Variants in CARD8 observed in about 807,000 individuals in gnomAD.
CARD8 encodes caspase recruitment domain family member 8.
A neutral mutation model predicts 53.2 loss-of-function variants in CARD8; 38 were observed. The ratio of observed to expected loss-of-function variants is 0.71; its 90% CI spans 0.55 to 0.94. The LOEUF (loss-of-function observed/expected upper bound fraction) is 0.94, where lower values mean the gene tolerates loss of function less well. Ranked by LOEUF, CARD8 falls within the 40% of genes least tolerant of loss-of-function variation. The probability of loss-of-function intolerance (pLI) is 0.00; values close to 1 mark genes in which losing one functional copy is unlikely to be tolerated. For missense variants in CARD8, 561 were observed against 655.5 expected (o/e 0.86, Z 1.57); for synonymous variants, 245 against 244.9 (o/e 1.00, Z 0.00).
chr19:48,245,502 C>T (rs1457074573), intron 3 of CARD8, among the ~76,000 whole-genome samples: 3 of 151,914 alleles, frequency 2.0e-5, no homozygotes, highest in South Asian at 2.1e-4. Flanking sequence ...TGTCAGCCAC[C>T]GCACCAGCCA....
chr19:48,235,391 AAGTGCTCAAAAGC>A (rs762523758), intron 5 of CARD8, among the ~76,000 whole-genome samples: 15 of 152,212 alleles, frequency 9.9e-5, no homozygotes, highest in Non-Finnish European at 7.3e-5. Context: ...GCCATATTTC[AAGTGCTCAAAAGC>A]CACACGTGGC....
At chr19:48,242,627 G>C (rs1449669151) in intron 3 of CARD8, 1 of 152,282 alleles carries the variant, frequency 6.6e-6, no homozygotes. Flanking sequence ...AGACATTTGG[G>C]TGAGTTCCAC....
intron 3 of CARD8, among the ~76,000 whole-genome samples, chr19:48,245,214 C>CT (rs892213234): frequency 7.3e-5 from 11 of 151,694 alleles, no homozygotes; most frequent in South Asian, 2.1e-4. Flanking sequence ...GAGAAAGAAT[C>CT]TTTTTTTTTC....
At chr19:48,221,130 T>C (rs900661936) in intron 11 of CARD8, among the ~76,000 whole-genome samples, 21 of 152,202 alleles carry the variant, frequency 1.4e-4, no homozygotes, top group African/African-American at 4.8e-4. Flanking sequence ...TAATTTCATT[T>C]AGGACACTCT....
chr19:48,220,541 A>G (rs746865258), intron 11 of CARD8, among the ~76,000 whole-genome samples: 14 of 152,180 alleles, frequency 9.2e-5, no homozygotes, highest in Non-Finnish European at 1.5e-4. Flanking sequence ...AAATCTTGAT[A>G]CTTTGTTCTA....
rs1246806552 is a variant in CARD8 at position 48,209,674 on chromosome 19, T to C, written c.*2036A>G. Reference sequence around the variant, plus strand: ...ATTGATTCAACATAAATACTATGGTTTATTTCTAGATGGCAAGGAAAATCA... The same window carrying C: ...ATTGATTCAACATAAATACTATGGTCTATTTCTAGATGGCAAGGAAAATCA... On this transcript the variant is annotated 3_prime_UTR_variant, in exon 14 of 14. Transcript: ENST00000651546. 2.6e-5 allele frequency: 4 copies of C among 152,228 alleles called. No individual in the cohort carries two copies. The highest frequency in any genetic ancestry group is 5.9e-5 in the Non-Finnish European group (4 of 68,022). 9.4% of individuals were successfully genotyped at this position (152,228 alleles called of 1,614,324 possible). A position where few individuals can be genotyped will look rare whatever the true frequency, so the allele number is the denominator to read the frequency against.
chr19:48,207,726 G>GTTTTTTTGTTTTTT (rs1390970720), downstream of CARD8, among the ~76,000 whole-genome samples: 1 of 38,406 alleles, frequency 2.6e-5, no homozygotes. Context: ...TTTTATTGTT[G>GTTTTTTTGTTTTTT]TTTTTCTGTT....
rs181697854 is a variant in CARD8, at chr19:48,251,627, T to C, written c.-251-1780A>G. Among the ~76,000 whole-genome samples, 460 of 152,330 alleles carry C rather than the reference T, an allele frequency of 3.0e-3. 2 individuals carry two copies. Among genetic ancestry groups the C allele is most frequent in the African/African-American group, 0.01 (432 of 41,580 alleles). Reference sequence around the variant, plus strand: ...GGGCTTGGATTATATTTCTGTTAAATTGCACTGCTCTATGGGACTTATTTT... The same window carrying C: ...GGGCTTGGATTATATTTCTGTTAAACTGCACTGCTCTATGGGACTTATTTT... On this transcript the variant is annotated intron_variant, in intron 1 of 13. Coordinates refer to ENST00000651546, the MANE Select transcript of CARD8 (RefSeq NM_001184900.3).
At chr19:48,203,189 C>A (rs544017629), downstream of CARD8, 4 of 152,284 alleles carry the variant, frequency 2.6e-5, no homozygotes, top group South Asian at 4.1e-4. Flanking sequence ...TGAAGTTTTT[C>A]TTTTATCACA....
At chr19:48,212,989 C>T (rs931130159) in intron 13 of CARD8, 1 of 152,168 alleles carries the variant, frequency 6.6e-6, no homozygotes, top group African/African-American at 2.4e-5. Flanking sequence ...GACATGAGTT[C>T]GGAAACTTAC....
chr19:48,249,214 A>C (rs867407282), intron 3 of CARD8, among the ~76,000 whole-genome samples: 1 of 152,162 alleles, frequency 6.6e-6, no homozygotes, highest in Admixed American at 6.6e-5. Context: ...AAAAAAAGTA[A>C]TATTGATTAA....
In CARD8 at chr19:48,241,690, G is replaced by A. The variant is rs192508307; in HGVS notation, c.-43-627C>T. ...TTTCCTTGCCTTCCATTCTTCTCTCGTACAACTCTAATCGTTTTTCTTGCC... is the reference window on the plus strand; with the variant it reads ...TTTCCTTGCCTTCCATTCTTCTCTCATACAACTCTAATCGTTTTTCTTGCC... On this transcript the variant is annotated intron_variant, in intron 3 of 13. Transcript: ENST00000651546. 1.9e-3 allele frequency among the ~76,000 whole-genome samples: 294 copies of A among 152,236 alleles called. 1 individual carries two copies. The highest frequency in any genetic ancestry group is 6.3e-3 in the African/African-American group (262 of 41,522).
At chr19:48,212,671 A>G (rs948383243) in intron 13 of CARD8, among the ~76,000 whole-genome samples, 2 of 152,210 alleles carry the variant, frequency 1.3e-5, no homozygotes, top group African/African-American at 2.4e-5. Context: ...TTCAACGTGC[A>G]GGCAACAGGT....
chr19:48,207,734 G>GTTTTTTTTTGTTTTGT (rs2037429691), downstream of CARD8, among the ~76,000 whole-genome samples: 5 of 116,550 alleles, frequency 4.3e-5, no homozygotes, highest in African/African-American at 1.8e-4. Context: ...TTGTTTTTCT[G>GTTTTTTTTTGTTTTGT]TTTTTTTTTT....
chr19:48,229,563 CG>C (rs1568771971), intron 10 of CARD8, among the ~76,000 whole-genome samples: 3 of 152,252 alleles, frequency 2.0e-5, no homozygotes, highest in Admixed American at 1.3e-4. Context: ...GAGCATTAGA[CG>C]GGGGGACGAT....
chr19:48,206,536 A>C, downstream of CARD8: 1 of 460,606 alleles, frequency 2.2e-6, no homozygotes, highest in Non-Finnish European at 4.4e-6. Flanking sequence ...ATAACAAGAC[A>C]GAAGTCTCCA....
chr19:48,241,181 A>T (rs2044967625), intron 3 of CARD8, 118 bp from the exon 4 acceptor site: 1 of 621,174 alleles, frequency 1.6e-6, no homozygotes, highest in Admixed American at 2.7e-5. Flanking sequence ...CAAGAGATGC[A>T]TCAGTGGAAT....
At chr19:48,234,747 G>A (rs1298979486) in intron 5 of CARD8, among the ~76,000 whole-genome samples, 1 of 152,052 alleles carries the variant, frequency 6.6e-6, no homozygotes, top group Non-Finnish European at 1.5e-5. Flanking sequence ...AATTTAACTG[G>A]CTCTCTGTTT....
intron 10 of CARD8, among the ~76,000 whole-genome samples, chr19:48,225,842 C>A (rs1436860423): frequency 6.6e-6 from 1 of 152,092 alleles, no homozygotes; most frequent in Non-Finnish European, 1.5e-5. Flanking sequence ...CACCTGAGGT[C>A]AGGAGTTCAA....
Sources: allele counts gnomAD v4.1 joint callset (sites outside exome capture counted in the v4.1 genomes callset), GRCh38; gene constraint gnomAD v4.1.1; transcripts MANE v1.5; gene names NCBI Gene and HGNC (gene_info 2026-07-23, HGNC 2026-07-21).